Variants in BABAM2 observed in about 807,000 individuals in gnomAD.
BABAM2 encodes the protein BRISC and BRCA1 A complex member 2.
In BABAM2, 31 loss-of-function variants were observed where a neutral mutation model predicts 54.7. The ratio of observed to expected loss-of-function variants is 0.57; its 90% CI spans 0.43 to 0.77. The LOEUF is 0.77. Among genes scored for constraint, BABAM2 ranks in the 30% least tolerant of loss-of-function variants. The pLI is 0.00. For missense variants in BABAM2, 364 were observed against 455.8 expected, an observed-to-expected ratio of 0.80 and a Z score of 1.83; for synonymous variants, 167 against 162.9, an observed-to-expected ratio of 1.03 and a Z score of -0.19.
chr2:28,048,562 A>C (rs1458834057), intron 6 of BABAM2, among the ~76,000 whole-genome samples: 1 of 152,174 alleles, frequency 6.6e-6, no homozygotes, highest in African/African-American at 2.4e-5. Flanking sequence ...GCTCATGTAG[A>C]CCAGATGAGA....
At chr2:28,190,133 G>A (rs1021224362) in intron 7 of BABAM2, among the ~76,000 whole-genome samples, 4 of 152,142 alleles carry the variant, frequency 2.6e-5, no homozygotes, top group Admixed American at 1.3e-4. Context: ...AGCATGTACA[G>A]CATTAACTCA....
chr2:28,150,940 A>G (rs530704960), intron 7 of BABAM2, among the ~76,000 whole-genome samples: 2 of 152,346 alleles, frequency 1.3e-5, no homozygotes, highest in Non-Finnish European at 2.9e-5. Flanking sequence ...GTCCTTGCCA[A>G]TGATAGTTTG....
intron 3 of BABAM2, among the ~76,000 whole-genome samples, chr2:27,948,707 G>A (rs1669481604): frequency 6.6e-6 from 1 of 152,000 alleles, no homozygotes; most frequent in Admixed American, 6.5e-5. Context: ...GGAGGTGGAG[G>A]TTGCAGTGAG....
chr2:27,982,856 C>CACAA (rs1347156248), intron 3 of BABAM2, among the ~76,000 whole-genome samples: 1 of 151,344 alleles, frequency 6.6e-6, no homozygotes, highest in East Asian at 1.9e-4. Flanking sequence ...CACACACACA[C>CACAA]ACACACACAC....
chr2:27,923,642 AG>A (rs777584080), intron 2 of BABAM2, among the ~76,000 whole-genome samples: 2 of 151,994 alleles, frequency 1.3e-5, no homozygotes, highest in Admixed American at 6.6e-5. Context: ...ATAGTAAAAT[AG>A]TTCATAGTTC....
intron 7 of BABAM2, among the ~76,000 whole-genome samples, chr2:28,165,275 A>C (rs762569366): frequency 2.3e-4 from 35 of 152,224 alleles, no homozygotes; most frequent in Non-Finnish European, 4.0e-4. Flanking sequence ...ATAACTTTAC[A>C]GATTACTGGA....
At chr2:28,145,629 T>C (rs1671428789) in intron 7 of BABAM2, among the ~76,000 whole-genome samples, 1 of 152,156 alleles carries the variant, frequency 6.6e-6, no homozygotes, top group Admixed American at 6.5e-5. Flanking sequence ...AGTTCAGTGG[T>C]TTTCAGTATA....
At chr2:28,136,488 G>A (rs1670552317) in intron 7 of BABAM2, among the ~76,000 whole-genome samples, 1 of 152,260 alleles carries the variant, frequency 6.6e-6, no homozygotes, top group South Asian at 2.1e-4. Context: ...GGCTGGAGAG[G>A]CAGAAAGCTG....
intron 4 of BABAM2, among the ~76,000 whole-genome samples, chr2:28,006,395 A>G (rs1673980109): frequency 6.6e-6 from 1 of 152,118 alleles, no homozygotes; most frequent in South Asian, 2.1e-4. Flanking sequence ...TACACAACAT[A>G]TAGAGGCATC....
At chr2:28,311,115 G>A (rs140665057) in intron 11 of BABAM2, among the ~76,000 whole-genome samples, 3 of 151,930 alleles carry the variant, frequency 2.0e-5, no homozygotes, top group Non-Finnish European at 2.9e-5. Context: ...CAAAAAATTA[G>A]CCGAGTGTGG....
At chr2:27,938,592 A>G (rs2148374176) in intron 3 of BABAM2, among the ~76,000 whole-genome samples, 1 of 152,000 alleles carries the variant, frequency 6.6e-6, no homozygotes, top group East Asian at 1.9e-4. Context: ...GGGTTTCACC[A>G]TATTGGCCAG....
intron 10 of BABAM2, among the ~76,000 whole-genome samples, chr2:28,248,210 T>TTTCTTTTTTTTTC (rs544532106): frequency 9.9e-6 from 1 of 101,230 alleles, no homozygotes; most frequent in African/African-American, 3.5e-5. Context: ...TCTTTTTCTT[T>TTTCTTTTTTTTTC]TTTTTTTTTT....
At chr2:27,958,851 A>G (rs1670274765) in intron 3 of BABAM2, among the ~76,000 whole-genome samples, 1 of 152,188 alleles carries the variant, frequency 6.6e-6, no homozygotes, top group African/African-American at 2.4e-5. Context: ...TGAGCCCTGC[A>G]GAAGAAGGAG....
chr2:28,143,800 A>G (rs1348073005), intron 7 of BABAM2, among the ~76,000 whole-genome samples: 2 of 152,176 alleles, frequency 1.3e-5, no homozygotes, highest in Non-Finnish European at 2.9e-5. Flanking sequence ...CAACAACCCT[A>G]TGAGGTTCGT....
chr2:27,982,844 T>TATACACACAC lies in BABAM2; in HGVS notation c.206-5148_206-5147insTACACACACA, dbSNP rs1553405520. The stretch of plus-strand genomic sequence containing the variant: ...AGGCTGAATAATATTTCATTATGTG[T>TATACACACAC]ACACACACACACACACACACACACA... On this transcript the variant is annotated intron_variant, in intron 3 of 11. Transcript: ENST00000379624. Among the ~76,000 whole-genome samples the TATACACACAC allele has an allele frequency of 2.0e-3, 256 of 127,230 alleles. 1 individual carries two copies. The highest frequency in any genetic ancestry group is 2.2e-3 in the African/African-American group (67 of 30,028). 83.5% of individuals were successfully genotyped at this position (127,230 alleles called of 152,430 possible). A position where few individuals can be genotyped will look rare whatever the true frequency, so the allele number is the denominator to read the frequency against.
chr2:28,030,884 G>A (rs1238936557), intron 5 of BABAM2, among the ~76,000 whole-genome samples: 4 of 152,074 alleles, frequency 2.6e-5, no homozygotes, highest in African/African-American at 2.4e-5. Flanking sequence ...AAAGGAAACC[G>A]TTTCAGGGTA....
chr2:28,225,724 A>G (rs1249149823), intron 7 of BABAM2, among the ~76,000 whole-genome samples: 8 of 151,646 alleles, frequency 5.3e-5, no homozygotes, highest in African/African-American at 1.7e-4. Context: ...ACAATCTAGT[A>G]TGGTTGTGAG....
rs1392590908 is a variant in BABAM2 at position 28,298,441 on chromosome 2, T to C, written c.1038T>C (p.Asn346=). Residue 346 remains asparagine, a synonymous_variant, in exon 11 of 12, where the codon AAT becomes AAC. Transcript: ENST00000379624. ...SGQLYSQAQK[N]YPYSPRWDGN... is the part of the protein sequence containing the mutation. Reference sequence around the variant, plus strand: ...AGCTTTACTCCCAGGCCCAAAAAAATTATCCGTACAGCCCCAGATGGGATG... The same window carrying C: ...AGCTTTACTCCCAGGCCCAAAAAAACTATCCGTACAGCCCCAGATGGGATG... 1 of 1,614,012 alleles carries C rather than the reference T, an allele frequency of 6.2e-7. No individual in the cohort carries two copies. Among genetic ancestry groups the C allele is most frequent in the African/African-American group, 1.3e-5 (1 of 74,920 alleles).
intron 7 of BABAM2, among the ~76,000 whole-genome samples, chr2:28,196,682 AC>A (rs1481159003): frequency 6.6e-6 from 1 of 151,834 alleles, no homozygotes; most frequent in East Asian, 2.0e-4. Context: ...ATCTCCACAC[AC>A]AAAAAATTGT....
Sources: gnomAD v4.1 joint callset for allele counts (sites outside exome capture counted in the v4.1 genomes callset) on GRCh38, gnomAD v4.1.1 for gene constraint, MANE v1.5 for transcripts, NCBI Gene and HGNC (gene_info 2026-07-23, HGNC 2026-07-21) for gene names.